RRP1B: variants seen among roughly 807,000 people sequenced by gnomAD.
The protein encoded by RRP1B is ribosomal RNA processing 1B.
In RRP1B, 56 loss-of-function variants were observed where a neutral mutation model predicts 80.2. That is an observed-to-expected ratio of 0.70 (90% CI 0.56 to 0.87). RRP1B has a LOEUF of 0.87. Ranked by LOEUF, RRP1B falls within the 40% of genes least tolerant of loss-of-function variation. RRP1B has a pLI of 0.00. For synonymous variants in RRP1B, 351 were observed against 357.6 expected, an observed-to-expected ratio of 0.98 and a Z score of 0.21; for missense variants, 807 against 939.8, an observed-to-expected ratio of 0.86 and a Z score of 1.85.
chr21:43,675,458 A>G (rs1180663987), intron 6 of RRP1B, among the ~76,000 whole-genome samples: 7 of 152,190 alleles, frequency 4.6e-5, no homozygotes, highest in Admixed American at 4.6e-4. Context: ...ATAAAGCGCT[A>G]GGAAAAGCTA....
intron 7 of RRP1B, 68 bp from the exon 8 acceptor site, chr21:43,676,665 G>A: frequency 7.1e-7 from 1 of 1,402,838 alleles, no homozygotes; most frequent in African/African-American, 1.4e-5. Flanking sequence ...TTCCCTCTGT[G>A]CCCCTGAAGC....
chr21:43,691,576 TC>T lies in RRP1B; in HGVS notation c.2083+76del. On this transcript the variant is annotated intron_variant, in intron 15 of 15. Transcript: ENST00000340648. The surrounding 1 kb of genome is among the most constrained non-coding windows in gnomAD (Gnocchi z 4.2). The stretch of plus-strand genomic sequence containing the variant: ...CTCCTGGCGCGGCTCGCAGCCTGGT[TC>T]CACAAGGCGGTCGGGGAAGAGGGGG... 7.5e-7 allele frequency: 1 copy of T among 1,334,986 alleles called. No individual in the cohort carries two copies. The allele number at this position is 1,334,986 out of a possible 1,614,324, so 82.7% of individuals were successfully genotyped here.
intron 6 of RRP1B, among the ~76,000 whole-genome samples, chr21:43,675,501 C>T (rs2083018186): frequency 1.3e-5 from 2 of 152,238 alleles, no homozygotes; most frequent in Admixed American, 6.5e-5. Context: ...GGTATATACT[C>T]ATAAATAGAC....
intron 1 of RRP1B, among the ~76,000 whole-genome samples, chr21:43,660,493 C>T (rs941879856): frequency 6.6e-6 from 1 of 151,994 alleles, no homozygotes. Flanking sequence ...ACCTGGGAGG[C>T]GGAGGTTGCG....
At chr21:43,661,456 G>T (rs2082957088) in intron 1 of RRP1B, among the ~76,000 whole-genome samples, 1 of 152,198 alleles carries the variant, frequency 6.6e-6, no homozygotes, top group Non-Finnish European at 1.5e-5. Flanking sequence ...ACACGGGATT[G>T]TCCTGGACTC....
In RRP1B at chr21:43,672,345, CTG is replaced by C; in HGVS notation, c.253_254del (p.Val85Ter). ...AACACCATTGCACAGCTAGTCCATG[CTG>C]TTAACAACTCAGCGGCTCGTAAGTC... On this transcript the variant is annotated frameshift_variant, in exon 3 of 16. Transcript: ENST00000340648. LOFTEE classifies it high-confidence loss of function. 6.2e-7 allele frequency: 1 copy of C among 1,614,098 alleles called. No individual in the cohort carries two copies. Among genetic ancestry groups the C allele is most frequent in the Non-Finnish European group, 8.5e-7 (1 of 1,179,972 alleles).
rs973964330 is a variant in RRP1B, at chr21:43,695,442, G to A, written c.*2059G>A. 2 of 152,146 alleles carry A rather than the reference G, an allele frequency of 1.3e-5. No homozygotes were observed. The highest frequency in any genetic ancestry group is 2.4e-5 in the African/African-American group (1 of 41,418). 9.4% of individuals were successfully genotyped at this position (152,146 alleles called of 1,614,324 possible). A position where few individuals can be genotyped will look rare whatever the true frequency, so the allele number is the denominator to read the frequency against. On this transcript the variant is annotated 3_prime_UTR_variant, in exon 16 of 16. Coordinates refer to ENST00000340648, the MANE Select transcript of RRP1B (RefSeq NM_015056.3). Reference sequence around the variant, plus strand: ...GTCAAAACCATGCCTGAGAGGTCCCGGCTGGGAGTGACAGGGTGCTTCTTA... The same window carrying A: ...GTCAAAACCATGCCTGAGAGGTCCCAGCTGGGAGTGACAGGGTGCTTCTTA...
chr21:43,680,682 T>TC (rs764482193), intron 8 of RRP1B, among the ~76,000 whole-genome samples: 3 of 152,050 alleles, frequency 2.0e-5, no homozygotes, highest in African/African-American at 4.8e-5. Flanking sequence ...CACTTCAGCC[T>TC]CCCAAGTAGC....
chr21:43,685,740 A>G, intron 10 of RRP1B, 30 bp from the exon 11 acceptor site: 1 of 1,404,164 alleles, frequency 7.1e-7, no homozygotes, highest in Non-Finnish European at 9.5e-7. Context: ...TTATTTTTTT[A>G]TTTTTTATTT....
chr21:43,676,782 G>C lies in RRP1B; in HGVS notation c.664G>C (p.Asp222His). 1 of 1,614,252 alleles carries C rather than the reference G, an allele frequency of 6.2e-7. No individual in the cohort carries two copies. Among genetic ancestry groups the C allele is most frequent in the Non-Finnish European group, 8.5e-7 (1 of 1,180,044 alleles). Residue 222 changes from aspartate (D) to histidine (H), a missense_variant, in exon 8 of 16, where the codon GAT (aspartate) becomes CAT (histidine). Transcript: ENST00000340648. ...IARGVFEAIV[D>H]QSPFVPEETM... is the part of the protein sequence containing the mutation. ...TCGGGGTGTCTTCGAAGCTATCGTA[G>C]ATCAGTCTCCTTTTGTGCCTGAAGA... is the stretch of plus-strand genomic sequence containing the variant.
chr21:43,664,169 T>C (rs980332201), intron 1 of RRP1B, among the ~76,000 whole-genome samples: 7 of 151,906 alleles, frequency 4.6e-5, no homozygotes, highest in African/African-American at 1.7e-4. Context: ...CCGGGCGCAG[T>C]GGCTCACGCC....
intron 2 of RRP1B, among the ~76,000 whole-genome samples, chr21:43,670,810 G>C (rs2082996556): frequency 6.6e-6 from 1 of 152,174 alleles, no homozygotes; most frequent in Admixed American, 6.5e-5. Context: ...GCCTTGAGAA[G>C]TGCTTGCAAG....
chr21:43,675,661 T>C (rs1206847946), intron 6 of RRP1B, among the ~76,000 whole-genome samples: 1 of 152,176 alleles, frequency 6.6e-6, no homozygotes, highest in African/African-American at 2.4e-5. Flanking sequence ...TTCAAAACAA[T>C]AATTCTTTTG....
chr21:43,687,378 A>G, intron 12 of RRP1B, 138 bp from the exon 13 acceptor site: 2 of 955,222 alleles, frequency 2.1e-6, no homozygotes, highest in Non-Finnish European at 3.0e-6. Context: ...CGCACCAAGT[A>G]CCTCAAGGGA....
intron 2 of RRP1B, among the ~76,000 whole-genome samples, chr21:43,670,563 G>A (rs1461746040): frequency 3.3e-5 from 5 of 152,240 alleles, no homozygotes; most frequent in East Asian, 3.8e-4. Flanking sequence ...AAGTAGATCC[G>A]ATCTGCCTCT....
At chr21:43,685,850 G>A (rs1268117502) in intron 11 of RRP1B, 61 bp downstream of exon 11, 1 of 1,549,444 alleles carries the variant, frequency 6.5e-7, no homozygotes, top group African/African-American at 1.4e-5. Context: ...CCCACTGGGG[G>A]CGTTGATGCC....
Position 43,687,935 on chromosome 21 carries a change from C to T in RRP1B, c.1561C>T (p.Leu521=). 6.2e-7 allele frequency: 1 copy of T among 1,613,284 alleles called. No individual in the cohort carries two copies. Among genetic ancestry groups the T allele is most frequent in the Non-Finnish European group, 8.5e-7 (1 of 1,180,044 alleles). ...RGSPTGGAQL[L]KRKRKLGVVP... ...GTCCCCGACAGGTGGAGCCCAACTC[C>T]TAAAAAGGAAGCGGAAACTTGGAGT... The change falls in exon 13 of 16, where the codon CTA becomes TTA. Residue 521 remains leucine, a synonymous_variant. Coordinates refer to ENST00000340648, the MANE Select transcript of RRP1B (RefSeq NM_015056.3).
chr21:43,688,475 C>T (rs771167312), intron 13 of RRP1B, among the ~76,000 whole-genome samples: 24 of 152,188 alleles, frequency 1.6e-4, no homozygotes, highest in Non-Finnish European at 2.9e-4. Flanking sequence ...TGCTTGGGTT[C>T]GGGAGGGCCC....
chr21:43,674,956 G>T, intron 5 of RRP1B, 78 bp from the exon 6 acceptor site: 1 of 1,563,126 alleles, frequency 6.4e-7, no homozygotes. Context: ...GTTCTAGACG[G>T]AGTATTTTTG....
Sources: gnomAD v4.1 joint callset for allele counts (sites outside exome capture counted in the v4.1 genomes callset) on GRCh38, gnomAD v4.1.1 for gene constraint, Gnocchi (gnomAD v3.1) non-coding constraint, MANE v1.5 for transcripts, NCBI Gene and HGNC (gene_info 2026-07-23, HGNC 2026-07-21) for gene names.